The following STARD13 variants were observed in gnomAD, a reference collection of about 807,000 sequenced individuals.
The protein encoded by STARD13 is StAR related lipid transfer domain containing 13.
Under a neutral mutation model 106.4 loss-of-function variants are expected in STARD13, and 62 were observed. The observed-to-expected ratio is 0.58, with a 90% CI of 0.48 to 0.72. STARD13 has a LOEUF of 0.72. Ranked by LOEUF, STARD13 falls within the 30% of genes least tolerant of loss-of-function variation. The probability of loss-of-function intolerance (pLI) is 0.00; values close to 1 mark genes in which losing one functional copy is unlikely to be tolerated. For synonymous variants in STARD13, 565 were observed against 553.0 expected, an observed-to-expected ratio of 1.02 and a Z score of -0.31; for missense variants, 1,387 against 1,424.0, an observed-to-expected ratio of 0.97 and a Z score of 0.42.
the STARD13 span, among the ~76,000 whole-genome samples, chr13:33,371,340 A>G: frequency 4.6e-5 from 7 of 152,164 alleles, no homozygotes; most frequent in Non-Finnish European, 7.4e-5. Flanking sequence ...GTCAACCACT[A>G]TGAATTTTAG....
chr13:33,349,842 A>C (rs1057043216), intron 1 of STARD13, among the ~76,000 whole-genome samples: 8 of 151,020 alleles, frequency 5.3e-5, no homozygotes, highest in Non-Finnish European at 1.2e-4. Flanking sequence ...CCTTGCATTC[A>C]CTCTCCCTCC....
the STARD13 span, among the ~76,000 whole-genome samples, chr13:33,488,620 G>A: frequency 4.6e-5 from 7 of 152,136 alleles, no homozygotes; most frequent in Non-Finnish European, 7.3e-5. Flanking sequence ...TTATCTTCAT[G>A]AATTCTATGC....
At chr13:33,375,022 A>G in the STARD13 span, among the ~76,000 whole-genome samples, 1 of 152,230 alleles carries the variant, frequency 6.6e-6, no homozygotes. Flanking sequence ...TGAAGGTTTT[A>G]AAGGCTGCAA....
the STARD13 span, among the ~76,000 whole-genome samples, chr13:33,417,092 A>G: frequency 6.6e-6 from 1 of 152,236 alleles, no homozygotes; most frequent in Non-Finnish European, 1.5e-5. Flanking sequence ...CCAGGAAGAT[A>G]CACAAGTGAC....
chr13:33,675,906 C>A, the STARD13 span, among the ~76,000 whole-genome samples: 1 of 152,128 alleles, frequency 6.6e-6, no homozygotes, highest in African/African-American at 2.4e-5. Context: ...AGTATTCTAC[C>A]TCTGGAGGCA....
chr13:33,485,433 C>T, the STARD13 span, among the ~76,000 whole-genome samples: 1 of 140,790 alleles, frequency 7.1e-6, no homozygotes, highest in Non-Finnish European at 1.5e-5. Context: ...AGCCCTCAAA[C>T]TTAAAAAAAA....
chr13:33,188,716 G>A (rs1885988632), intron 1 of STARD13, among the ~76,000 whole-genome samples: 1 of 152,200 alleles, frequency 6.6e-6, no homozygotes, highest in African/African-American at 2.4e-5. Context: ...TCTAGAAAAT[G>A]AAATGCATTG....
the STARD13 span, among the ~76,000 whole-genome samples, chr13:33,381,163 C>T: frequency 3.7e-4 from 57 of 152,230 alleles, no homozygotes; most frequent in African/African-American, 1.3e-3. Flanking sequence ...TATTATATTA[C>T]CTTATCAGAA....
intron 9 of STARD13, 22 bp downstream of exon 9, chr13:33,112,699 G>T (rs755886934): frequency 1.3e-6 from 2 of 1,549,556 alleles, no homozygotes; most frequent in South Asian, 1.3e-5. Flanking sequence ...GATTACTGTT[G>T]TTACTGAGAA....
At chr13:33,201,032 A>G (rs1292738498) in intron 1 of STARD13, among the ~76,000 whole-genome samples, 3 of 144,916 alleles carry the variant, frequency 2.1e-5, no homozygotes, top group African/African-American at 7.7e-5. Context: ...TCTCAAAAAT[A>G]AAAAATAAAA....
chr13:33,138,692 GA>G (rs1212268441), intron 4 of STARD13: 1 of 317,694 alleles, frequency 3.1e-6, no homozygotes, highest in African/African-American at 2.2e-5. Flanking sequence ...CGGGAGTGGA[GA>G]GCCCGAGCTG....
rs528419020 is a variant in STARD13, at chr13:33,126,061, C to CGG, written c.2082+18_2082+19dup. ...ATGGTTGGGGGTGGTGGGGCAGCAG[C>CGG]GGGGGGGTTACAGCCCTACCTGATC... On this transcript the variant is annotated intron_variant, in intron 7 of 13. Coordinates refer to ENST00000336934, the MANE Select transcript of STARD13 (RefSeq NM_178006.4). The CGG allele has an allele frequency of 3.8e-5, 61 of 1,609,446 alleles. No individual in the cohort carries two copies. In the East Asian group the frequency reaches 1.2e-3, roughly 32 times the overall value.
intron 1 of STARD13, among the ~76,000 whole-genome samples, chr13:33,292,921 C>G (rs1892348123): frequency 6.6e-6 from 1 of 152,046 alleles, no homozygotes; most frequent in Admixed American, 6.6e-5. Flanking sequence ...ACCACCAGGT[C>G]CTGCACAATC....
At chr13:33,392,481 C>A in the STARD13 span, among the ~76,000 whole-genome samples, 1 of 152,150 alleles carries the variant, frequency 6.6e-6, no homozygotes, top group Non-Finnish European at 1.5e-5. Flanking sequence ...CTCACTGCAA[C>A]CTCCGTCTCC....
the STARD13 span, among the ~76,000 whole-genome samples, chr13:33,540,376 A>G: frequency 2.0e-5 from 3 of 152,206 alleles, no homozygotes; most frequent in Non-Finnish European, 4.4e-5. Flanking sequence ...CCTTGGAGAC[A>G]TTATTAAGGA....
the STARD13 span, among the ~76,000 whole-genome samples, chr13:33,539,879 AAGC>A: frequency 6.6e-6 from 1 of 152,232 alleles, no homozygotes; most frequent in Admixed American, 6.5e-5. Flanking sequence ...GAAAATGAAA[AAGC>A]AGGCCACAGA....
the STARD13 span, among the ~76,000 whole-genome samples, chr13:33,584,433 C>A: frequency 6.6e-6 from 1 of 151,714 alleles, no homozygotes; most frequent in African/African-American, 2.4e-5. Context: ...ATAATTCACT[C>A]CCTATCATGA....
the STARD13 span, among the ~76,000 whole-genome samples, chr13:33,503,060 C>A: frequency 3.9e-5 from 6 of 152,134 alleles, no homozygotes; most frequent in Non-Finnish European, 8.8e-5. Flanking sequence ...AATTTCAGAA[C>A]CTGTTATTGG....
At chr13:33,138,712 A>G (rs1321942349) in intron 4 of STARD13, 4 of 338,758 alleles carry the variant, frequency 1.2e-5, no homozygotes, top group Non-Finnish European at 2.4e-5. Context: ...TGCAGGCGGC[A>G]GAAGTGCTGG....
Sources: allele counts gnomAD v4.1 joint callset (sites outside exome capture counted in the v4.1 genomes callset), GRCh38; gene constraint gnomAD v4.1.1; transcripts MANE v1.5; gene names NCBI Gene and HGNC (gene_info 2026-07-23, HGNC 2026-07-21).